The following REEP3 variants were observed in gnomAD, a reference collection of about 807,000 sequenced individuals.
The protein encoded by REEP3 is receptor accessory protein 3.
REEP3 carries 20 observed loss-of-function variants against 41.3 expected under a neutral mutation model. That is an observed-to-expected ratio of 0.48 (90% confidence interval 0.34 to 0.70). REEP3 has a LOEUF of 0.70. REEP3 is among the 30% of genes least tolerant of loss of function. The pLI is 0.01. For missense variants in REEP3, 271 were observed against 308.8 expected (o/e 0.88, Z 0.92); for synonymous variants, 104 against 101.8 (o/e 1.02, Z -0.13).
intron 1 of REEP3, among the ~76,000 whole-genome samples, chr10:63,555,673 T>C (rs10740134): frequency 0.45 from 68,229 of 152,128 alleles, 15,847 homozygotes; most frequent in South Asian, 0.54. Context: ...ATAATGACTT[T>C]CACATTACTT....
At position 63,598,019 on chromosome 10, in the gene REEP3, AT is replaced by A. The variant is rs757322413; in HGVS notation, c.183-3del. 2.5e-6 allele frequency: 4 copies of A among 1,588,480 alleles called. No individual in the cohort carries two copies. The highest frequency in any genetic ancestry group is 3.4e-6 in the Non-Finnish European group (4 of 1,168,426). On this transcript the variant is annotated splice_region_variant and splice_polypyrimidine_tract_variant and intron_variant, in intron 3 of 7. Transcript: ENST00000373758. ...CAGTTTATTTCCAAATGTTTTTCTT[AT>A]TAGGTTTCCCCTGTACTATGAGCTG...
chr10:63,610,064 T>C (rs2133428124), intron 5 of REEP3, 123 bp from the exon 6 acceptor site: 1 of 756,254 alleles, frequency 1.3e-6, no homozygotes, highest in Admixed American at 3.0e-5. Flanking sequence ...GTAAACAATA[T>C]TGGGTGTTCA....
At position 63,566,093 on chromosome 10, in the gene REEP3, C is replaced by G. The variant is rs1037387750; in HGVS notation, c.33-245C>G. On this transcript the variant is annotated intron_variant, in intron 1 of 7. Coordinates refer to ENST00000373758, the MANE Select transcript of REEP3 (RefSeq NM_001001330.3). ...TAGAGATGGGGTTTCACTGTGTTAG[C>G]CTGGATGGTCTTGATCTCCTGACCT... is the stretch of plus-strand genomic sequence containing the variant. Among the ~76,000 whole-genome samples, 37 of 152,146 alleles carry G rather than the reference C, an allele frequency of 2.4e-4. No homozygotes were observed. In the Middle Eastern group the frequency reaches 0.01, roughly 42 times the overall value.
At chr10:63,558,510 G>C (rs1469702885) in intron 1 of REEP3, among the ~76,000 whole-genome samples, 1 of 152,208 alleles carries the variant, frequency 6.6e-6, no homozygotes, top group Admixed American at 6.5e-5. Flanking sequence ...CTGGAGGCCA[G>C]GCACAGTGGT....
intron 1 of REEP3, among the ~76,000 whole-genome samples, chr10:63,532,700 C>T (rs994632447): frequency 6.6e-6 from 1 of 150,738 alleles, no homozygotes; most frequent in African/African-American, 2.4e-5. Flanking sequence ...GAGTTCCACA[C>T]CAGCCTGGGC....
intron 2 of REEP3, among the ~76,000 whole-genome samples, chr10:63,571,076 C>T (rs1414789781): frequency 6.6e-6 from 1 of 152,156 alleles, no homozygotes; most frequent in East Asian, 1.9e-4. Context: ...GATTGCACCA[C>T]TGCACTCCAG....
intron 1 of REEP3, among the ~76,000 whole-genome samples, chr10:63,558,498 G>A (rs72837093): frequency 0.014 from 2,097 of 152,246 alleles, 34 homozygotes; most frequent in Non-Finnish European, 0.021. Flanking sequence ...TTCGATAAGA[G>A]GCTGGAGGCC....
chr10:63,530,790 G>T (rs74847607), intron 1 of REEP3, among the ~76,000 whole-genome samples: 4,965 of 152,174 alleles, frequency 0.033, 272 homozygotes, highest in African/African-American at 0.11. Context: ...AACAATAGTG[G>T]CATAAATGGG....
At chr10:63,571,848 G>A (rs1955855402) in intron 2 of REEP3, among the ~76,000 whole-genome samples, 1 of 152,166 alleles carries the variant, frequency 6.6e-6, no homozygotes, top group African/African-American at 2.4e-5. Context: ...GGATTGTAAA[G>A]ACAGAATTGG....
In REEP3 at chr10:63,622,668, G is replaced by A. The variant is rs1186800904; in HGVS notation, c.*1799G>A. ...TGCCTAATAAGGTCATGTGAGTCAA[G>A]AACTTTATCTGTGGGAGCTGATTTG... On this transcript the variant is annotated 3_prime_UTR_variant, in exon 8 of 8. Coordinates refer to ENST00000373758, the MANE Select transcript of REEP3 (RefSeq NM_001001330.3). The A allele has an allele frequency of 6.8e-6, 1 of 146,612 alleles. No individual in the cohort carries two copies. The highest frequency in any genetic ancestry group is 1.5e-5 in the Non-Finnish European group (1 of 66,736). 9.1% of individuals were successfully genotyped at this position (146,612 alleles called of 1,614,324 possible).
intron 1 of REEP3, among the ~76,000 whole-genome samples, chr10:63,543,512 AC>A (rs1428882879): frequency 6.6e-6 from 1 of 151,144 alleles, no homozygotes; most frequent in Non-Finnish European, 1.5e-5. Flanking sequence ...GTGTTTTAAA[AC>A]CATAAAAGCA....
At chr10:63,529,663 T>C (rs1955400419) in intron 1 of REEP3, among the ~76,000 whole-genome samples, 2 of 152,150 alleles carry the variant, frequency 1.3e-5, no homozygotes, top group South Asian at 4.1e-4. Context: ...GATGAGGGTC[T>C]TGCCATATTG....
intron 1 of REEP3, among the ~76,000 whole-genome samples, chr10:63,563,383 A>G (rs1955762188): frequency 6.6e-6 from 1 of 152,238 alleles, no homozygotes; most frequent in African/African-American, 2.4e-5. Context: ...CTGTTCTCCA[A>G]TAAAAGGAAC....
intron 1 of REEP3, among the ~76,000 whole-genome samples, chr10:63,547,650 A>T (rs1263057418): frequency 6.6e-6 from 1 of 152,204 alleles, no homozygotes; most frequent in Non-Finnish European, 1.5e-5. Flanking sequence ...TTGCATAGGA[A>T]TCAAGATTGT....
At chr10:63,569,890 A>G (rs952747294) in intron 2 of REEP3, among the ~76,000 whole-genome samples, 12 of 152,044 alleles carry the variant, frequency 7.9e-5, no homozygotes, top group African/African-American at 2.7e-4. Context: ...ACAGTGAGAC[A>G]TGATCCCGCC....
intron 2 of REEP3, among the ~76,000 whole-genome samples, chr10:63,580,122 CGTTGTTGTT>C (rs532934741): frequency 1.3e-5 from 2 of 151,438 alleles, no homozygotes; most frequent in East Asian, 3.9e-4. Context: ...AGCTGGTTTT[CGTTGTTGTT>C]GTTGTTGTTG....
chr10:63,529,934 A>G (rs530096302), intron 1 of REEP3, among the ~76,000 whole-genome samples: 1 of 151,778 alleles, frequency 6.6e-6, no homozygotes, highest in African/African-American at 2.4e-5. Flanking sequence ...GGCCACCACC[A>G]TGCCCTGCTA....
chr10:63,596,414 A>G (rs550925917), intron 3 of REEP3, among the ~76,000 whole-genome samples: 1 of 151,656 alleles, frequency 6.6e-6, no homozygotes, highest in African/African-American at 2.4e-5. Flanking sequence ...AAAATGAACG[A>G]TGTAGAAAAT....
intron 1 of REEP3, among the ~76,000 whole-genome samples, chr10:63,539,850 C>T (rs1404592486): frequency 1.3e-5 from 2 of 152,062 alleles, no homozygotes; most frequent in Admixed American, 1.3e-4. Flanking sequence ...CTTAAAAAAA[C>T]TCTCCAGGTG....
Sources: allele counts gnomAD v4.1 joint callset (sites outside exome capture counted in the v4.1 genomes callset), GRCh38; gene constraint gnomAD v4.1.1; transcripts MANE v1.5; gene names NCBI Gene and HGNC (gene_info 2026-07-23, HGNC 2026-07-21).